Variants in CLDN10 observed in about 807,000 individuals in gnomAD.
CLDN10 encodes claudin 10.
CLDN10 carries 15 observed loss-of-function variants against 22.9 expected under a neutral mutation model. The observed-to-expected ratio is 0.65, with a 90% CI of 0.44 to 1.01. The LOEUF is 1.01. Ranked by LOEUF, CLDN10 falls within the 50% of genes least tolerant of loss-of-function variation. CLDN10 has a pLI of 0.00. For synonymous variants in CLDN10, 114 were observed against 111.4 expected (o/e 1.02, Z -0.15); for missense variants, 247 against 287.8 (o/e 0.86, Z 1.03).
chr13:95,538,159 T>G (rs941140971), intron 1 of CLDN10, among the ~76,000 whole-genome samples: 1 of 131,018 alleles, frequency 7.6e-6, no homozygotes, highest in Non-Finnish European at 1.6e-5. Flanking sequence ...ATTTCTTTTT[T>G]TTTTTTTTTT....
intron 1 of CLDN10, among the ~76,000 whole-genome samples, chr13:95,452,784 C>T (rs1204495727): frequency 6.6e-6 from 1 of 152,166 alleles, no homozygotes; most frequent in Non-Finnish European, 1.5e-5. Context: ...AATAGTTGTT[C>T]TTTCATGTAT....
At chr13:95,574,543 GT>G (rs948657141) in intron 3 of CLDN10, among the ~76,000 whole-genome samples, 16 of 152,328 alleles carry the variant, frequency 1.1e-4, no homozygotes, top group African/African-American at 3.8e-4. Context: ...GCTGAGGTGG[GT>G]GGATCACCTG....
chr13:95,458,797 C>T (rs750993015), intron 1 of CLDN10, among the ~76,000 whole-genome samples: 8 of 152,158 alleles, frequency 5.3e-5, no homozygotes, highest in Non-Finnish European at 1.0e-4. Flanking sequence ...TCATGCCTTT[C>T]CAATTGTCCC....
chr13:95,515,095 T>A (rs2138571002), intron 1 of CLDN10, among the ~76,000 whole-genome samples: 1 of 152,360 alleles, frequency 6.6e-6, no homozygotes, highest in African/African-American at 2.4e-5. Context: ...AGCCTTGAAC[T>A]GCTGGGCTCA....
chr13:95,504,770 T>G (rs1234497431), intron 1 of CLDN10, among the ~76,000 whole-genome samples: 2 of 152,132 alleles, frequency 1.3e-5, no homozygotes, highest in African/African-American at 4.8e-5. Flanking sequence ...ACTCCTGAGC[T>G]CAAGTGATCC....
intron 1 of CLDN10, among the ~76,000 whole-genome samples, chr13:95,540,615 G>A (rs1214496253): frequency 6.6e-6 from 1 of 152,176 alleles, no homozygotes; most frequent in African/African-American, 2.4e-5. Flanking sequence ...GAAAATATCA[G>A]ACAAATAACT....
intron 1 of CLDN10, among the ~76,000 whole-genome samples, chr13:95,494,571 G>C (rs1349001423): frequency 6.6e-6 from 1 of 152,156 alleles, no homozygotes; most frequent in African/African-American, 2.4e-5. Flanking sequence ...ATTGAGGCCA[G>C]TTATGTTTAT....
chr13:95,512,156 TGTATATCTG>T (rs2043110268), intron 1 of CLDN10, among the ~76,000 whole-genome samples: 1 of 130,944 alleles, frequency 7.6e-6, no homozygotes, highest in African/African-American at 2.8e-5. Context: ...GTGTTCTGTT[TGTATATCTG>T]TTTTTGATGT....
At chr13:95,530,526 C>G (rs182162321) in intron 1 of CLDN10, among the ~76,000 whole-genome samples, 1 of 152,268 alleles carries the variant, frequency 6.6e-6, no homozygotes, top group Non-Finnish European at 1.5e-5. Context: ...CCTGAGTATA[C>G]TCATCGAAAG....
intron 1 of CLDN10, among the ~76,000 whole-genome samples, chr13:95,559,861 G>A (rs988261376): frequency 6.6e-6 from 1 of 152,096 alleles, no homozygotes; most frequent in African/African-American, 2.4e-5. Flanking sequence ...CATAACCTTT[G>A]TGTGCCTCAG....
chr13:95,514,219 A>C (rs2043137464), intron 1 of CLDN10, among the ~76,000 whole-genome samples: 1 of 152,192 alleles, frequency 6.6e-6, no homozygotes, highest in Non-Finnish European at 1.5e-5. Context: ...TGATTACACC[A>C]CTGCACTCCA....
intron 1 of CLDN10, among the ~76,000 whole-genome samples, chr13:95,529,036 C>G (rs114763618): frequency 1.1e-3 from 166 of 151,744 alleles, no homozygotes; most frequent in African/African-American, 4.0e-3. Flanking sequence ...CAATGTTTTT[C>G]TTGTTGTTGT....
intron 1 of CLDN10, among the ~76,000 whole-genome samples, chr13:95,471,418 TACACACAC>T (rs1219762768): frequency 9.4e-6 from 1 of 106,470 alleles, no homozygotes; most frequent in Non-Finnish European, 1.9e-5. Flanking sequence ...CACACACATA[TACACACAC>T]ACACACACAC....
chr13:95,512,137 TG>T (rs1374055967), intron 1 of CLDN10, among the ~76,000 whole-genome samples: 175 of 120,866 alleles, frequency 1.4e-3, no homozygotes, highest in East Asian at 2.0e-3. Flanking sequence ...TTTTGGTTTT[TG>T]TTTGTTTGTG....
chr13:95,506,879 G>T (rs779011351), intron 1 of CLDN10, among the ~76,000 whole-genome samples: 1 of 152,136 alleles, frequency 6.6e-6, no homozygotes, highest in Non-Finnish European at 1.5e-5. Context: ...CGATGCATGG[G>T]GGAGGGGTTT....
At chr13:95,478,694 C>T (rs1198968788) in intron 1 of CLDN10, among the ~76,000 whole-genome samples, 1 of 152,216 alleles carries the variant, frequency 6.6e-6, no homozygotes, top group Non-Finnish European at 1.5e-5. Context: ...TATTCTGCTT[C>T]CCCCTAGTGG....
chr13:95,575,171 T>C (rs866021548), intron 3 of CLDN10, among the ~76,000 whole-genome samples: 3 of 152,212 alleles, frequency 2.0e-5, no homozygotes, highest in African/African-American at 7.2e-5. Context: ...TAAGGTATAG[T>C]TTCAGGAGAG....
intron 1 of CLDN10, among the ~76,000 whole-genome samples, chr13:95,480,447 C>T (rs2389240): frequency 6.6e-6 from 1 of 151,978 alleles, no homozygotes; most frequent in South Asian, 2.1e-4. Flanking sequence ...AGGCCAGATG[C>T]GGAAGAGAGA....
intron 1 of CLDN10, among the ~76,000 whole-genome samples, chr13:95,443,764 G>A (rs1268619787): frequency 6.6e-6 from 1 of 152,204 alleles, no homozygotes; most frequent in African/African-American, 2.4e-5. Flanking sequence ...AGTTGGGGGT[G>A]TGGTCTTTGG....
Sources: gnomAD v4.1 joint callset for allele counts (sites outside exome capture counted in the v4.1 genomes callset) on GRCh38, gnomAD v4.1.1 for gene constraint, MANE v1.5 for transcripts, NCBI Gene and HGNC (gene_info 2026-07-23, HGNC 2026-07-21) for gene names.